The following CCDC175 variants were observed in gnomAD, a reference collection of about 807,000 sequenced individuals.
The protein encoded by CCDC175 is coiled-coil domain-containing protein 175.
Under a neutral mutation model 114.6 loss-of-function variants are expected in CCDC175, and 100 were observed. The observed-to-expected ratio is 0.87, with a 90% confidence interval of 0.74 to 1.03. The LOEUF (loss-of-function observed/expected upper bound fraction) is 1.03, where lower values mean the gene tolerates loss of function less well. Among genes scored for constraint, CCDC175 ranks in the 50% least tolerant of loss-of-function variants. CCDC175 has a pLI of 0.00. For missense variants in CCDC175, 880 were observed against 917.8 expected, an observed-to-expected ratio of 0.96 and a Z score of 0.53; for synonymous variants, 306 against 308.7, an observed-to-expected ratio of 0.99 and a Z score of 0.09.
intron 14 of CCDC175, among the ~76,000 whole-genome samples, chr14:59,530,462 G>A (rs564029311): frequency 1.3e-5 from 2 of 148,568 alleles, no homozygotes; most frequent in African/African-American, 4.9e-5. Context: ...GGGAGAGGAG[G>A]GGAGGGGAGG....
intron 19 of CCDC175, among the ~76,000 whole-genome samples, chr14:59,509,754 C>T (rs1892644455): frequency 1.3e-5 from 2 of 152,196 alleles, no homozygotes; most frequent in Admixed American, 1.3e-4. Context: ...AAGCAATCCT[C>T]CTGCCTCAGC....
chr14:59,576,370 C>A (rs568914557), intron 1 of CCDC175, among the ~76,000 whole-genome samples: 38 of 152,278 alleles, frequency 2.5e-4, no homozygotes, highest in Non-Finnish European at 4.7e-4. Flanking sequence ...GGATTTGTCA[C>A]CTCAGTAATT....
At chr14:59,510,567 T>C in intron 19 of CCDC175, 79 bp downstream of exon 19, 1 of 1,407,586 alleles carries the variant, frequency 7.1e-7, no homozygotes, top group African/African-American at 1.4e-5. Flanking sequence ...TGACACGTTT[T>C]TTCTTCTTTT....
chr14:59,574,820 A>C, intron 2 of CCDC175, 123 bp downstream of exon 2: 1 of 531,320 alleles, frequency 1.9e-6, no homozygotes, highest in Non-Finnish European at 3.3e-6. Context: ...AAATATTTTT[A>C]AGTTCAGGGT....
intron 17 of CCDC175, among the ~76,000 whole-genome samples, chr14:59,521,070 G>C (rs1263294816): frequency 2.0e-5 from 3 of 152,310 alleles, no homozygotes; most frequent in South Asian, 2.1e-4. Flanking sequence ...ATTGAAAGAT[G>C]CAAAGTACTG....
chr14:59,510,567 T>G (rs1426492967), intron 19 of CCDC175, 79 bp downstream of exon 19: 1 of 1,407,468 alleles, frequency 7.1e-7, no homozygotes, highest in African/African-American at 1.4e-5. Flanking sequence ...TGACACGTTT[T>G]TTCTTCTTTT....
At chr14:59,557,639 A>C (rs1382171839) in intron 7 of CCDC175, among the ~76,000 whole-genome samples, 1 of 151,668 alleles carries the variant, frequency 6.6e-6, no homozygotes, top group Non-Finnish European at 1.5e-5. Flanking sequence ...AAGAAAAAAA[A>C]AAAGAACATG....
Position 59,538,070 on chromosome 14 carries a change from A to G in CCDC175, c.1576T>C (p.Phe526Leu). The G allele has an allele frequency of 6.5e-7, 1 of 1,532,152 alleles. No individual in the cohort carries two copies. The highest frequency in any genetic ancestry group is 8.8e-7 in the Non-Finnish European group (1 of 1,142,678). The allele number at this position is 1,532,152 out of a possible 1,614,324, so 94.9% of individuals were successfully genotyped here. A position where few individuals can be genotyped will look rare whatever the true frequency, so the allele number is the denominator to read the frequency against. Reference protein sequence around the residue: ...TTELKEEEKAFVNKEKMLMKE... With the variant: ...TTELKEEEKALVNKEKMLMKE... Reference sequence around the variant, plus strand: ...ATTAACATTTTTTCTTTGTTAACAAATGCTTTCTCCTCTTCTTTTAATTCT... The same window carrying G: ...ATTAACATTTTTTCTTTGTTAACAAGTGCTTTCTCCTCTTCTTTTAATTCT... Residue 526 changes from phenylalanine (F) to leucine (L), a missense_variant, in exon 13 of 20, where the codon TTT becomes CTT. Transcript: ENST00000537690.
intron 17 of CCDC175, among the ~76,000 whole-genome samples, chr14:59,515,403 T>G (rs1381071510): frequency 6.6e-6 from 1 of 152,174 alleles, no homozygotes; most frequent in African/African-American, 2.4e-5. Context: ...CCCATCAGTG[T>G]GCTGTATTCA....
At position 59,508,585 on chromosome 14, in the gene CCDC175, AG is replaced by A. The variant is rs371043416; in HGVS notation, c.2305+2060del. Reference sequence around the variant, plus strand: ...TGTCTCAAAAAAAAAAAAAAAAAAAAGAGAGAAAAGCAAGTAATCCTGGCTG... The same window carrying A: ...TGTCTCAAAAAAAAAAAAAAAAAAAAAGAGAAAAGCAAGTAATCCTGGCTG... On this transcript the variant is annotated intron_variant, in intron 19 of 19. Transcript: ENST00000537690. 9.6e-4 allele frequency among the ~76,000 whole-genome samples: 141 copies of A among 147,274 alleles called. 7 individuals carry two copies. The highest frequency in any genetic ancestry group is 2.8e-3 in the South Asian group (13 of 4,596).
intron 7 of CCDC175, 52 bp downstream of exon 7, chr14:59,561,067 T>A (rs1381993669): frequency 1.1e-6 from 1 of 888,422 alleles, no homozygotes. Flanking sequence ...CTATATTATA[T>A]CATATTAACA....
intron 10 of CCDC175, among the ~76,000 whole-genome samples, chr14:59,540,978 A>T (rs1391778700): frequency 6.6e-6 from 1 of 152,158 alleles, no homozygotes; most frequent in Admixed American, 6.6e-5. Context: ...TAGAGAAGAG[A>T]TTTCTGGGGA....
At chr14:59,572,374 G>C (rs921696058) in intron 3 of CCDC175, among the ~76,000 whole-genome samples, 4 of 152,182 alleles carry the variant, frequency 2.6e-5, no homozygotes, top group African/African-American at 7.2e-5. Context: ...GAGGTACCCA[G>C]AGTAGCCAAA....
intron 17 of CCDC175, among the ~76,000 whole-genome samples, chr14:59,515,950 A>G (rs1566595671): frequency 6.6e-6 from 1 of 152,244 alleles, no homozygotes; most frequent in Non-Finnish European, 1.5e-5. Flanking sequence ...AAAAGAACAG[A>G]AATTATAACA....
intron 10 of CCDC175, among the ~76,000 whole-genome samples, chr14:59,541,937 G>T (rs1016508675): frequency 6.6e-6 from 1 of 152,102 alleles, no homozygotes; most frequent in Non-Finnish European, 1.5e-5. Context: ...GACATAATTG[G>T]AAACAGATGT....
At chr14:59,570,438 T>TC (rs1342254588) in intron 3 of CCDC175, among the ~76,000 whole-genome samples, 5 of 152,102 alleles carry the variant, frequency 3.3e-5, no homozygotes, top group African/African-American at 1.2e-4. Context: ...AATCTACCTT[T>TC]TTTTTTTTAC....
chr14:59,517,005 C>T (rs1391645186), intron 17 of CCDC175, among the ~76,000 whole-genome samples: 1 of 152,188 alleles, frequency 6.6e-6, no homozygotes, highest in African/African-American at 2.4e-5. Flanking sequence ...GGATGCAAGG[C>T]TGGTTCAACA....
At chr14:59,560,502 G>A (rs1300183304) in intron 7 of CCDC175, among the ~76,000 whole-genome samples, 3 of 152,148 alleles carry the variant, frequency 2.0e-5, no homozygotes, top group African/African-American at 4.8e-5. Flanking sequence ...TTTAAAGATT[G>A]TTGGACCTGT....
chr14:59,514,751 C>T (rs954198610), intron 17 of CCDC175, among the ~76,000 whole-genome samples: 5 of 152,112 alleles, frequency 3.3e-5, no homozygotes, highest in Admixed American at 6.6e-5. Flanking sequence ...TGCAGGATAT[C>T]ATACAGGAGA....
Sources: gnomAD v4.1 joint callset for allele counts (sites outside exome capture counted in the v4.1 genomes callset) on GRCh38, gnomAD v4.1.1 for gene constraint, MANE v1.5 for transcripts, NCBI Gene and HGNC (gene_info 2026-07-23, HGNC 2026-07-21) for gene names.